PHF20: variants seen among roughly 807,000 people sequenced by gnomAD.
The protein encoded by PHF20 is PHD finger protein 20.
Under a neutral mutation model 113.5 loss-of-function variants are expected in PHF20, and 23 were observed. The observed-to-expected ratio is 0.20, with a 90% CI of 0.15 to 0.29. The LOEUF (loss-of-function observed/expected upper bound fraction) is 0.29. PHF20 is among the 10% of genes least tolerant of loss of function. The probability of loss-of-function intolerance (pLI) is 1.00; values close to 1 mark genes in which losing one functional copy is unlikely to be tolerated. For synonymous variants in PHF20, 434 were observed against 457.3 expected (o/e 0.95, Z 0.65); for missense variants, 943 against 1,219.6 (o/e 0.77, Z 3.38).
At chr20:35,783,204 T>TA (rs2041336753) in intron 1 of PHF20, among the ~76,000 whole-genome samples, 1 of 151,682 alleles carries the variant, frequency 6.6e-6, no homozygotes, top group African/African-American at 2.4e-5. Context: ...TGTTTAAAAA[T>TA]AAAAAAAAGA....
intron 17 of PHF20, among the ~76,000 whole-genome samples, chr20:35,946,685 A>T (rs201011384): frequency 0.019 from 1,859 of 97,914 alleles, 23 homozygotes; most frequent in African/African-American, 0.065. Flanking sequence ...TATTTTATTT[A>T]TTTTATTTTA....
intron 13 of PHF20, among the ~76,000 whole-genome samples, chr20:35,919,336 A>AT (rs751803907): frequency 0.016 from 1,746 of 112,598 alleles, 16 homozygotes; most frequent in Middle Eastern, 0.045. Context: ...TGTTATGGTA[A>AT]TTTTTTTTTT....
rs2056001905 is a variant in PHF20 at position 35,942,485 on chromosome 20, TAA to T, written c.2896+1440_2896+1441del. Among the ~76,000 whole-genome samples, 4 of 152,144 alleles carry T rather than the reference TAA, an allele frequency of 2.6e-5. No individual in the cohort carries two copies. The South Asian group carries it at 8.3e-4, about 32-fold the overall frequency. ...CAGGGACCTTCCCTGAGGGAGAAGT[TAA>T]AGTCTACTCACATCTTACTTCCTTA... is the stretch of plus-strand genomic sequence containing the variant. On this transcript the variant is annotated intron_variant, in intron 17 of 17. Coordinates refer to ENST00000374012, the MANE Select transcript of PHF20 (RefSeq NM_016436.5).
chr20:35,890,323 C>T (rs185037612), intron 9 of PHF20, among the ~76,000 whole-genome samples: 1 of 152,220 alleles, frequency 6.6e-6, no homozygotes, highest in South Asian at 2.1e-4. Context: ...AGCCACTACA[C>T]CTGACCTATT....
intron 15 of PHF20, among the ~76,000 whole-genome samples, chr20:35,932,656 C>G (rs2055783404): frequency 6.6e-6 from 1 of 151,976 alleles, no homozygotes; most frequent in African/African-American, 2.4e-5. Context: ...GCCTTAAACT[C>G]CTGACCTCAG....
rs151316913 is a variant in PHF20 at position 35,871,703 on chromosome 20, C to T, written c.1156C>T (p.His386Tyr). The T allele has an allele frequency of 7.6e-5, 122 of 1,613,770 alleles. No individual in the cohort carries two copies. The East Asian group carries it at 2.5e-3, about 33-fold the overall frequency. Residue 386 changes from histidine to tyrosine, a missense_variant, in exon 9 of 18, where the codon CAC (histidine) becomes TAC (tyrosine). By Grantham distance (83) the His-to-Tyr change is moderately conservative (BLOSUM62 2). Transcript: ENST00000374012. Reference sequence around the variant, plus strand: ...CCAGGTCTCATCTGCACTGACTTGCCACTCCTTTGGGGATGGATCCGGGGC... The same window carrying T: ...CCAGGTCTCATCTGCACTGACTTGCTACTCCTTTGGGGATGGATCCGGGGC... ...AGQVSSALTC[H>Y]SFGDGSGAAG... is the part of the protein sequence containing the mutation.
intron 2 of PHF20, among the ~76,000 whole-genome samples, chr20:35,803,010 T>C (rs1170342175): frequency 6.7e-6 from 1 of 150,130 alleles, no homozygotes; most frequent in Non-Finnish European, 1.5e-5. Context: ...TCCCAGCACT[T>C]TGGGAGGCTG....
At chr20:35,837,201 AC>A (rs1408971399) in intron 2 of PHF20, among the ~76,000 whole-genome samples, 4 of 152,084 alleles carry the variant, frequency 2.6e-5, no homozygotes, top group Admixed American at 2.0e-4. Flanking sequence ...AAAAACAAAA[AC>A]AAAAAAAACA....
intron 1 of PHF20, among the ~76,000 whole-genome samples, chr20:35,780,604 T>C (rs577194767): frequency 6.7e-6 from 1 of 148,726 alleles, no homozygotes; most frequent in East Asian, 2.0e-4. Flanking sequence ...TGGAAGGCAG[T>C]GGCATGATCT....
intron 9 of PHF20, among the ~76,000 whole-genome samples, chr20:35,872,084 T>A (rs1014598834): frequency 6.6e-6 from 1 of 152,166 alleles, no homozygotes. Context: ...TGTTTATTTT[T>A]AAAAATATAA....
intron 9 of PHF20, among the ~76,000 whole-genome samples, chr20:35,875,727 G>C (rs2075714471): frequency 6.6e-6 from 1 of 152,112 alleles, no homozygotes; most frequent in Non-Finnish European, 1.5e-5. Context: ...AGCAGACTAA[G>C]CTTTTAATTA....
intron 2 of PHF20, among the ~76,000 whole-genome samples, chr20:35,839,407 A>G (rs13042008): frequency 0.17 from 24,862 of 150,520 alleles, 2,684 homozygotes; most frequent in Non-Finnish European, 0.24. Flanking sequence ...AAAAAAAAAA[A>G]AAAAGAAAGT....
intron 2 of PHF20, among the ~76,000 whole-genome samples, chr20:35,809,003 A>G (rs1780899271): frequency 6.6e-6 from 1 of 151,892 alleles, no homozygotes; most frequent in African/African-American, 2.4e-5. Flanking sequence ...CCGTAATCCC[A>G]GCACTTTGGG....
At chr20:35,892,224 ATTTTTTTT>A (rs780490898) in intron 9 of PHF20, among the ~76,000 whole-genome samples, 14 of 102,522 alleles carry the variant, frequency 1.4e-4, no homozygotes, top group Non-Finnish European at 1.4e-4. Flanking sequence ...CGCCTGGCTG[ATTTTTTTT>A]TTTTTTTTTT....
chr20:35,773,710 AG>A (rs1412326743), intron 1 of PHF20, among the ~76,000 whole-genome samples: 3 of 152,114 alleles, frequency 2.0e-5, no homozygotes, highest in Non-Finnish European at 4.4e-5. Context: ...CTTGTGCTGG[AG>A]GTGGCCTCAA....
intron 15 of PHF20, among the ~76,000 whole-genome samples, chr20:35,932,070 G>GT (rs200679606): frequency 2.0e-3 from 276 of 139,284 alleles, no homozygotes; most frequent in Middle Eastern, 3.6e-3. Flanking sequence ...AGTTCTGAGT[G>GT]TTTTTTTTTT....
chr20:35,894,139 G>A (rs986114808), intron 9 of PHF20, among the ~76,000 whole-genome samples: 5 of 152,184 alleles, frequency 3.3e-5, no homozygotes, highest in African/African-American at 9.6e-5. Flanking sequence ...TCAGGAGGAC[G>A]TAGACGAAAT....
At position 35,847,352 on chromosome 20, in the gene PHF20, A is replaced by G; in HGVS notation, c.258A>G (p.Glu86=). Residue 86 remains glutamate (E), a splice_region_variant and synonymous_variant, in exon 4 of 18, where the codon GAA becomes GAG. Transcript: ENST00000374012. The part of the protein sequence containing the change: ...EGLHEEDGSS[E]FQINEQVLAC... Reference sequence around the variant, plus strand: ...TTTTTTTTTTTTATGTTTTTTAGGAATTTCAAATAAATGAGCAGGTCCTTG... The same window carrying G: ...TTTTTTTTTTTTATGTTTTTTAGGAGTTTCAAATAAATGAGCAGGTCCTTG... 1 of 1,591,070 alleles carries G rather than the reference A, an allele frequency of 6.3e-7. No homozygotes were observed. Among genetic ancestry groups the G allele is most frequent in the South Asian group, 1.2e-5 (1 of 86,748 alleles).
chr20:35,871,220 C>A, intron 8 of PHF20, 86 bp downstream of exon 8: 2 of 1,087,408 alleles, frequency 1.8e-6, no homozygotes, highest in Non-Finnish European at 2.7e-6. Context: ...CTGCCTTCCA[C>A]AAGTATTAAA....
Sources: gnomAD v4.1 joint callset for allele counts (sites outside exome capture counted in the v4.1 genomes callset) on GRCh38, gnomAD v4.1.1 for gene constraint, MANE v1.5 for transcripts, NCBI Gene and HGNC (gene_info 2026-07-23, HGNC 2026-07-21) for gene names.